Variants in GGA2 observed in about 807,000 individuals in gnomAD.
GGA2 encodes ADP-ribosylation factor-binding protein GGA2.
GGA2 carries 48 observed loss-of-function variants against 79.5 expected under a neutral mutation model. The observed-to-expected ratio is 0.60, with a 90% CI of 0.48 to 0.77. GGA2 has a LOEUF of 0.77. GGA2 is among the 30% of genes least tolerant of loss of function. GGA2 has a pLI of 0.00. For missense variants in GGA2, 770 were observed against 774.0 expected (o/e 0.99, Z 0.06); for synonymous variants, 317 against 302.0 (o/e 1.05, Z -0.51).
At chr16:23,468,105 TTTTC>T (rs1165670528) in intron 16 of GGA2, among the ~76,000 whole-genome samples, 1 of 149,164 alleles carries the variant, frequency 6.7e-6, no homozygotes, top group Non-Finnish European at 1.5e-5. Context: ...ACTGACTTTC[TTTTC>T]TTTTTCTCTT....
intron 10 of GGA2, 38 bp downstream of exon 10, chr16:23,480,607 C>T (rs199629418): frequency 1.6e-5 from 25 of 1,563,502 alleles, no homozygotes; most frequent in Non-Finnish European, 2.1e-5. Flanking sequence ...ACAGGCTGCC[C>T]CAAGGCAGAG....
rs866903061 is a variant in GGA2, at chr16:23,468,875, C to A, written c.1731+11G>T. 8 of 1,544,228 alleles carry A rather than the reference C, an allele frequency of 5.2e-6. No individual in the cohort carries two copies. The Middle Eastern group carries it at 1.2e-3, about 228-fold the overall frequency. On this transcript the variant is annotated intron_variant, in intron 16 of 16. Coordinates refer to ENST00000309859, the MANE Select transcript of GGA2 (RefSeq NM_015044.4). ...CCCCATCTCCCTGCTACCACAGACA[C>A]TGGAACATACTTTGTGTGGATTGTC...
At chr16:23,471,216 A>G (rs1164886233) in intron 14 of GGA2, among the ~76,000 whole-genome samples, 1 of 152,176 alleles carries the variant, frequency 6.6e-6, no homozygotes, top group East Asian at 1.9e-4. Flanking sequence ...AAACACACAC[A>G]TATGCTCACA....
At chr16:23,498,853 A>G (rs1359635347) in intron 1 of GGA2, among the ~76,000 whole-genome samples, 1 of 152,236 alleles carries the variant, frequency 6.6e-6, no homozygotes, top group African/African-American at 2.4e-5. Flanking sequence ...TATTTAAAGC[A>G]GTGATTCTCA....
chr16:23,470,768 A>AAACAAAC (rs1567357924), intron 14 of GGA2, among the ~76,000 whole-genome samples: 1 of 103,140 alleles, frequency 9.7e-6, no homozygotes, highest in Admixed American at 9.9e-5. Flanking sequence ...AACAAACAAA[A>AAACAAAC]AACAAAAAGC....
At chr16:23,480,555 T>C in intron 10 of GGA2, 90 bp downstream of exon 10, 1 of 1,134,056 alleles carries the variant, frequency 8.8e-7, no homozygotes, top group South Asian at 1.5e-5. Context: ...TTCTATTCCT[T>C]AACCCAGAAT....
chr16:23,491,919 T>A, intron 4 of GGA2, 119 bp from the exon 5 acceptor site: 1 of 638,300 alleles, frequency 1.6e-6, no homozygotes, highest in Non-Finnish European at 2.7e-6. Flanking sequence ...GGTATGAGTG[T>A]GAGGAGAGAC....
In GGA2 at chr16:23,491,810, A is replaced by G. The variant is rs1964792265; in HGVS notation, c.352-10T>C. On this transcript the variant is annotated splice_polypyrimidine_tract_variant and intron_variant, in intron 4 of 16. Coordinates refer to ENST00000309859, the MANE Select transcript of GGA2 (RefSeq NM_015044.4). ...CCCAGGACCCCAGGTACTGAAAGTA[A>G]AAAGGAAAGAGAATTCTAGAGCTGG... The G allele has an allele frequency of 2.5e-6, 4 of 1,600,978 alleles. No individual in the cohort carries two copies. Among genetic ancestry groups the G allele is most frequent in the South Asian group, 2.2e-5 (2 of 90,754 alleles).
intron 1 of GGA2, among the ~76,000 whole-genome samples, chr16:23,521,527 T>C (rs1034554746): frequency 2.6e-5 from 4 of 152,100 alleles, no homozygotes; most frequent in Non-Finnish European, 5.9e-5. Context: ...GTCTCCCAAG[T>C]AGCTGGGACT....
At chr16:23,505,457 G>A (rs544943263) in intron 1 of GGA2, among the ~76,000 whole-genome samples, 1 of 152,110 alleles carries the variant, frequency 6.6e-6, no homozygotes, top group Non-Finnish European at 1.5e-5. Flanking sequence ...AAAAGAACAA[G>A]GCGGCTACAT....
At chr16:23,482,882 G>T in intron 9 of GGA2, 41 bp downstream of exon 9, 3 of 1,138,310 alleles carry the variant, frequency 2.6e-6, no homozygotes, top group Non-Finnish European at 1.3e-6. Flanking sequence ...AGTCTGTCTT[G>T]CACCTGGGCT....
At chr16:23,483,670 G>C (rs1964677335) in intron 8 of GGA2, among the ~76,000 whole-genome samples, 1 of 151,868 alleles carries the variant, frequency 6.6e-6, no homozygotes, top group Non-Finnish European at 1.5e-5. Context: ...TTTTGAGACA[G>C]AGTTTCACTG....
intron 2 of GGA2, 68 bp from the exon 3 acceptor site, chr16:23,494,446 G>A: frequency 9.9e-7 from 1 of 1,007,182 alleles, no homozygotes; most frequent in Non-Finnish European, 1.6e-6. Context: ...GGCTGAGCAT[G>A]CTCAGTAAAA....
At chr16:23,501,382 T>C (rs1365734663) in intron 1 of GGA2, 1 of 451,660 alleles carries the variant, frequency 2.2e-6, no homozygotes, top group Non-Finnish European at 4.4e-6. Context: ...CCAAGGACAT[T>C]GCAGTTGAGA....
At chr16:23,511,050 T>TGTGTGTGTGTGTGTGTGTGTGTG (rs57500272), upstream of GGA2, among the ~76,000 whole-genome samples, 8 of 149,390 alleles carry the variant, frequency 5.4e-5, no homozygotes, top group Non-Finnish European at 7.5e-5. Context: ...TGTGTGTGTG[T>TGTGTGTGTGTGTGTGTGTGTGTG]TAGAGACTGG....
chr16:23,490,494 G>T (rs952216221), intron 5 of GGA2, among the ~76,000 whole-genome samples: 1 of 152,000 alleles, frequency 6.6e-6, no homozygotes, highest in African/African-American at 2.4e-5. Context: ...CAGCACTTTG[G>T]GAGGCTGAGG....
At chr16:23,511,376 G>T (rs1419756929), upstream of GGA2, among the ~76,000 whole-genome samples, 1 of 151,624 alleles carries the variant, frequency 6.6e-6, no homozygotes, top group African/African-American at 2.4e-5. Flanking sequence ...GGCCAGGCTG[G>T]TCTCGAACTC....
intron 14 of GGA2, among the ~76,000 whole-genome samples, chr16:23,471,448 A>T (rs775331717): frequency 2.0e-4 from 31 of 152,180 alleles, no homozygotes; most frequent in Non-Finnish European, 4.1e-4. Flanking sequence ...ATAAAATTAC[A>T]ATTCAAGTAA....
rs995511617 is a variant in GGA2, at chr16:23,465,624, C to T, written c.*1966G>A. The T allele has an allele frequency of 5.2e-5, 30 of 572,918 alleles. No homozygotes were observed. The highest frequency in any genetic ancestry group is 3.8e-4 in the Middle Eastern group (1 of 2,652). 35.5% of individuals were successfully genotyped at this position (572,918 alleles called of 1,614,324 possible). A position where few individuals can be genotyped will look rare whatever the true frequency, so the allele number is the denominator to read the frequency against. On this transcript the variant is annotated 3_prime_UTR_variant, in exon 17 of 17. Coordinates refer to ENST00000309859, the MANE Select transcript of GGA2 (RefSeq NM_015044.4). ...TATGATGGGTACCTCTTCAAGACTA[C>T]GCAACAGTAACAGAGCCTATAAAAG...
Sources: allele counts gnomAD v4.1 joint callset (sites outside exome capture counted in the v4.1 genomes callset), GRCh38; gene constraint gnomAD v4.1.1; transcripts MANE v1.5; gene names NCBI Gene and HGNC (gene_info 2026-07-23, HGNC 2026-07-21).